LYRM4: variants seen among roughly 807,000 people sequenced by gnomAD.
LYRM4 encodes LYR motif-containing protein 4.
In LYRM4, 9 loss-of-function variants were observed where a neutral mutation model predicts 11.7. The observed-to-expected ratio is 0.77, with a 90% CI of 0.46 to 1.34. LYRM4 has a LOEUF of 1.34. LYRM4 is among the 40% of genes most tolerant of loss of function. The probability of loss-of-function intolerance (pLI) is 0.00; values close to 1 mark genes in which losing one functional copy is unlikely to be tolerated. For missense variants in LYRM4, 133 were observed against 112.5 expected (o/e 1.18, Z -0.82); for synonymous variants, 42 against 40.4 (o/e 1.04, Z -0.15).
intron 2 of LYRM4, among the ~76,000 whole-genome samples, chr6:5,139,194 G>A (rs557560490): frequency 1.3e-5 from 2 of 152,310 alleles, no homozygotes; most frequent in East Asian, 3.9e-4. Flanking sequence ...GCTGGTGAGC[G>A]GCAGGGCAAA....
the LYRM4 span, among the ~76,000 whole-genome samples, chr6:5,064,865 G>A: frequency 6.6e-6 from 1 of 151,924 alleles, no homozygotes. Context: ...ATTAAAATGT[G>A]CTCTTCTAGC....
At chr6:5,255,694 A>G (rs1173030428) in intron 1 of LYRM4, among the ~76,000 whole-genome samples, 1 of 151,972 alleles carries the variant, frequency 6.6e-6, no homozygotes, top group East Asian at 2.0e-4. Flanking sequence ...GTAGCCACGA[A>G]TTTTCTCACC....
At chr6:5,118,619 T>G (rs1442082219) in intron 2 of LYRM4, among the ~76,000 whole-genome samples, 1 of 152,210 alleles carries the variant, frequency 6.6e-6, no homozygotes, top group Non-Finnish European at 1.5e-5. Flanking sequence ...GGAGAGGCAC[T>G]GCCACAGCCT....
chr6:5,075,060 G>T, the LYRM4 span, among the ~76,000 whole-genome samples: 1 of 152,074 alleles, frequency 6.6e-6, no homozygotes, highest in African/African-American at 2.4e-5. Context: ...TCCCTCTCTT[G>T]CCATGTGACC....
chr6:5,141,869 CAGA>C lies in LYRM4; in HGVS notation c.208-32381_208-32379del, dbSNP rs1246095561. Among the ~76,000 whole-genome samples, 4 of 152,180 alleles carry C rather than the reference CAGA, an allele frequency of 2.6e-5. No individual in the cohort carries two copies. In the East Asian group the frequency reaches 5.8e-4, roughly 22 times the overall value. ...TTTGGAGCTCAGCCTTTTTGTTTCC[CAGA>C]AGAAGAAACTGAGATCCAGAGAGGT... On this transcript the variant is annotated intron_variant, in intron 2 of 2. Coordinates refer to ENST00000330636, the MANE Select transcript of LYRM4 (RefSeq NM_020408.6).
the LYRM4 span, among the ~76,000 whole-genome samples, chr6:5,061,980 G>A: frequency 5.3e-5 from 8 of 151,928 alleles, no homozygotes; most frequent in Admixed American, 4.6e-4. Flanking sequence ...CCACAATAGC[G>A]GGGTGTTTAA....
chr6:5,238,280 T>C (rs1219507412), intron 1 of LYRM4, among the ~76,000 whole-genome samples: 2 of 152,194 alleles, frequency 1.3e-5, no homozygotes, highest in African/African-American at 4.8e-5. Flanking sequence ...CTAAAATTTC[T>C]TACTGAGAAT....
At chr6:5,159,209 G>A (rs1758604514) in intron 2 of LYRM4, among the ~76,000 whole-genome samples, 1 of 152,224 alleles carries the variant, frequency 6.6e-6, no homozygotes, top group African/African-American at 2.4e-5. Context: ...TGGCAGGGGG[G>A]TGGGCCCCAG....
At chr6:5,139,940 C>T (rs899857810) in intron 2 of LYRM4, among the ~76,000 whole-genome samples, 5 of 148,676 alleles carry the variant, frequency 3.4e-5, no homozygotes, top group Admixed American at 6.8e-5. Flanking sequence ...CAGGCTGAAG[C>T]GATCCTCCCA....
the LYRM4 span, chr6:5,085,908 C>T: frequency 6.5e-7 from 1 of 1,531,252 alleles, no homozygotes; most frequent in East Asian, 2.5e-5. Flanking sequence ...TGGGGCTAAG[C>T]CTGGCCAGCG....
At chr6:5,203,021 T>C (rs1203260908) in intron 2 of LYRM4, among the ~76,000 whole-genome samples, 1 of 152,180 alleles carries the variant, frequency 6.6e-6, no homozygotes, top group Non-Finnish European at 1.5e-5. Flanking sequence ...AAAAGTCACA[T>C]AAGCAACTCT....
At chr6:5,125,396 T>C (rs1006881761) in intron 2 of LYRM4, among the ~76,000 whole-genome samples, 1 of 152,226 alleles carries the variant, frequency 6.6e-6, no homozygotes, top group Non-Finnish European at 1.5e-5. Flanking sequence ...ATGGAGCCCA[T>C]GACCCAGGCT....
rs541069907 is a variant in LYRM4, at chr6:5,142,092, C to T, written c.208-32601G>A. Among the ~76,000 whole-genome samples the T allele has an allele frequency of 8.5e-4, 129 of 152,256 alleles. No homozygotes were observed. The Middle Eastern group carries it at 0.01, about 12-fold the overall frequency. On this transcript the variant is annotated intron_variant, in intron 2 of 2. Transcript: ENST00000330636. ...ATGGTGTTTTCCAATGATTGTATTACAATGAATGGACCCTCCTCTACTGAG... is the reference window on the plus strand; with the variant it reads ...ATGGTGTTTTCCAATGATTGTATTATAATGAATGGACCCTCCTCTACTGAG...
In LYRM4 at chr6:5,120,676, T is replaced by C. The variant is rs374763389; in HGVS notation, c.208-11185A>G. ...CTGATTGGTCCATTTTACAGGGTGCTGATTGGTCCATTTTACAGGGTGCTG... is the reference window on the plus strand; with the variant it reads ...CTGATTGGTCCATTTTACAGGGTGCCGATTGGTCCATTTTACAGGGTGCTG... On this transcript the variant is annotated intron_variant, in intron 2 of 2. Transcript: ENST00000330636. 2.6e-5 allele frequency among the ~76,000 whole-genome samples: 4 copies of C among 152,326 alleles called. No individual in the cohort carries two copies. The South Asian group carries it at 6.2e-4, about 24-fold the overall frequency.
chr6:5,090,039 C>CACACACACACACAT, the LYRM4 span, among the ~76,000 whole-genome samples: 1 of 136,336 alleles, frequency 7.3e-6, no homozygotes, highest in African/African-American at 2.7e-5. This position sits in a 1 kb window ranked among gnomAD's most constrained non-coding sequence, Gnocchi z 4.8. Flanking sequence ...CACACACACA[C>CACACACACACACAT]ACCACACACA....
At chr6:5,125,097 C>G (rs576210505) in intron 2 of LYRM4, among the ~76,000 whole-genome samples, 2 of 152,312 alleles carry the variant, frequency 1.3e-5, no homozygotes, top group Admixed American at 1.3e-4. Flanking sequence ...TCTTCCTGGC[C>G]TTGCTGACGT....
At chr6:5,237,758 A>G (rs895698704) in intron 1 of LYRM4, among the ~76,000 whole-genome samples, 1 of 152,166 alleles carries the variant, frequency 6.6e-6, no homozygotes. Context: ...AATTTTGGTT[A>G]CCTGCAAAAT....
chr6:5,082,213 A>G, the LYRM4 span, among the ~76,000 whole-genome samples: 10 of 152,288 alleles, frequency 6.6e-5, no homozygotes, highest in East Asian at 1.9e-3. Context: ...TGGCTTCTGA[A>G]GTGGGGGCCG....
intron 1 of LYRM4, among the ~76,000 whole-genome samples, chr6:5,258,165 G>T (rs142600432): frequency 6.6e-6 from 1 of 152,222 alleles, no homozygotes; most frequent in Admixed American, 6.5e-5. Context: ...GCACATGTGG[G>T]ACTTAGGCTG....
Sources: gnomAD v4.1 joint callset for allele counts (sites outside exome capture counted in the v4.1 genomes callset) on GRCh38, gnomAD v4.1.1 for gene constraint, Gnocchi (gnomAD v3.1) non-coding constraint, MANE v1.5 for transcripts, NCBI Gene and HGNC (gene_info 2026-07-23, HGNC 2026-07-21) for gene names.